LCP2: variants seen among roughly 807,000 people sequenced by gnomAD.
The protein encoded by LCP2 is lymphocyte cytosolic protein 2, also known as 76 kDa tyrosine phosphoprotein.
In LCP2, 29 loss-of-function variants were observed where a neutral mutation model predicts 74.5. That is an observed-to-expected ratio of 0.39 (90% CI 0.29 to 0.53). The LOEUF (loss-of-function observed/expected upper bound fraction) is 0.53, where lower values mean the gene tolerates loss of function less well. LCP2 is among the 20% of genes least tolerant of loss of function. The pLI is 0.72. For missense variants in LCP2, 604 were observed against 634.6 expected (o/e 0.95, Z 0.52); for synonymous variants, 228 against 229.5 (o/e 0.99, Z 0.06).
intron 3 of LCP2, among the ~76,000 whole-genome samples, chr5:170,277,910 C>T (rs1422120558): frequency 6.6e-6 from 1 of 151,910 alleles, no homozygotes. Context: ...CAACTCCAGG[C>T]TTTTGTGACT....
Position 170,287,990 on chromosome 5 carries a change from C to A in LCP2, c.168G>T (p.Lys56Asn). The A allele has an allele frequency of 6.2e-6, 10 of 1,613,942 alleles. No homozygotes were observed. The highest frequency in any genetic ancestry group is 7.6e-6 in the Non-Finnish European group (9 of 1,179,886). ...FLNLTENDIQ[K>N]FPKLRVPILS... ...CTTACGGCACCCGGAGCTTGGGGAA[C>A]TTCTGGATGTCATTTTCTGTCAGGT... is the stretch of plus-strand genomic sequence containing the variant. Residue 56 changes from lysine to asparagine, a missense_variant, in exon 3 of 21, where the codon AAG (lysine) becomes AAT (asparagine). By Grantham distance (94) the Lys-to-Asn change is moderately conservative. Coordinates refer to ENST00000046794, the MANE Select transcript of LCP2 (RefSeq NM_005565.5).
chr5:170,261,502 A>G (rs2113165044), intron 13 of LCP2, among the ~76,000 whole-genome samples: 1 of 151,836 alleles, frequency 6.6e-6, no homozygotes. Context: ...TTAGTCAGCA[A>G]ACTAACTCTT....
intron 19 of LCP2, 74 bp downstream of exon 19, chr5:170,252,360 T>C: frequency 2.5e-6 from 2 of 800,790 alleles, no homozygotes; most frequent in Non-Finnish European, 4.1e-6. Context: ...CTGTAATTGG[T>C]ACTCAGGACA....
At chr5:170,262,916 G>A in intron 11 of LCP2, 51 bp downstream of exon 11, 2 of 1,614,010 alleles carry the variant, frequency 1.2e-6, no homozygotes, top group Non-Finnish European at 1.7e-6. Flanking sequence ...AAAGAATAAG[G>A]ACAAGATGTG....
At chr5:170,289,693 CTTTCTTTCCT>C (rs1169902415) in intron 2 of LCP2, among the ~76,000 whole-genome samples, 18 of 134,670 alleles carry the variant, frequency 1.3e-4, no homozygotes, top group African/African-American at 3.2e-4. Context: ...CTCTTTCTTT[CTTTCTTTCCT>C]TCTTTCTTTC....
At chr5:170,261,407 G>GTGTGTATATATATATA (rs150577805) in intron 13 of LCP2, among the ~76,000 whole-genome samples, 3 of 146,232 alleles carry the variant, frequency 2.1e-5, no homozygotes, top group Middle Eastern at 3.3e-3. Context: ...GTGTGTGTGT[G>GTGTGTATATATATATA]TATATATATA....
At chr5:170,263,096 T>C (rs1360899057) in intron 10 of LCP2, 104 bp from the exon 11 acceptor site, 1 of 1,342,318 alleles carries the variant, frequency 7.4e-7, no homozygotes, top group African/African-American at 1.5e-5. Context: ...CTCTTGGGGG[T>C]TGATGGGGTT....
At chr5:170,284,992 C>A (rs315718) in intron 3 of LCP2, among the ~76,000 whole-genome samples, 53,393 of 152,008 alleles carry the variant, frequency 0.35, 9,645 homozygotes, top group Non-Finnish European at 0.39. Context: ...CTCAGGTGAT[C>A]CACCCACCTC....
At chr5:170,296,777 C>A (rs1762394514) in intron 1 of LCP2, among the ~76,000 whole-genome samples, 1 of 152,224 alleles carries the variant, frequency 6.6e-6, no homozygotes, top group Non-Finnish European at 1.5e-5. Context: ...GACAGCAACG[C>A]TCTGGTCCCA....
rs1554141414 is a variant in LCP2, at chr5:170,289,671, T to TTCTTTCTTTC, written c.142-1656_142-1655insGAAAGAAAGA. Reference sequence around the variant, plus strand: ...TTTCTTTCTTTCTTTCTTTCTTTCTTTCTCTCTCTCTCTCTTTCTTTCTTT... The same window carrying TTCTTTCTTTC: ...TTTCTTTCTTTCTTTCTTTCTTTCTTTCTTTCTTTCTCTCTCTCTCTCTCTTTCTTTCTTT... On this transcript the variant is annotated intron_variant, in intron 2 of 20. Transcript: ENST00000046794. 8.1e-3 allele frequency among the ~76,000 whole-genome samples: 681 copies of TTCTTTCTTTC among 84,020 alleles called. 3 individuals carry two copies. Among genetic ancestry groups the TTCTTTCTTTC allele is most frequent in the Middle Eastern group, 0.041 (6 of 146 alleles). 55.1% of individuals were successfully genotyped at this position (84,020 alleles called of 152,430 possible).
In LCP2 at chr5:170,256,105, A is replaced by G. The variant is rs1457406136; in HGVS notation, c.1150+421T>C. Among the ~76,000 whole-genome samples the G allele has an allele frequency of 6.6e-6, 1 of 152,184 alleles. No homozygotes were observed. The highest frequency in any genetic ancestry group is 1.5e-5 in the Non-Finnish European group (1 of 68,024). ...ACCGGAGCTGGAGGAATAGTTCTGC[A>G]CAGGAAGATTGGGGATGAGGGCTGG... On this transcript the variant is annotated intron_variant, in intron 17 of 20. Transcript: ENST00000046794. This position sits in a 1 kb window ranked among gnomAD's most constrained non-coding sequence, Gnocchi z 4.5.
intron 19 of LCP2, chr5:170,252,127 A>C (rs1761458031): frequency 9.1e-6 from 2 of 220,650 alleles, no homozygotes; most frequent in Non-Finnish European, 1.8e-5. Context: ...TTTGAAAGAG[A>C]GTCTCCTTCT....
At chr5:170,291,781 CA>C (rs1347696611) in intron 2 of LCP2, among the ~76,000 whole-genome samples, 1 of 152,220 alleles carries the variant, frequency 6.6e-6, no homozygotes, top group East Asian at 1.9e-4. Context: ...GCACCATCCT[CA>C]AAGATGTCTT....
chr5:170,248,845 A>T, intron 20 of LCP2, 26 bp from the exon 21 acceptor site: 1 of 1,609,266 alleles, frequency 6.2e-7, no homozygotes, highest in Non-Finnish European at 8.5e-7. Context: ...TAGGGAGATG[A>T]GTCAACATTG....
chr5:170,255,994 C>T (rs528574255), intron 17 of LCP2, among the ~76,000 whole-genome samples: 1 of 152,308 alleles, frequency 6.6e-6, no homozygotes, highest in Admixed American at 6.5e-5. Flanking sequence ...GAACATGCTC[C>T]CCAACTCACA....
intron 10 of LCP2, among the ~76,000 whole-genome samples, chr5:170,264,093 T>C (rs561468048): frequency 6.6e-6 from 1 of 152,310 alleles, no homozygotes; most frequent in African/African-American, 2.4e-5. Context: ...AACTCGAAGA[T>C]TAATTTTGCC....
In LCP2 at chr5:170,275,190, G is replaced by A. The variant is rs1761986562; in HGVS notation, c.286+130C>T. On this transcript the variant is annotated intron_variant, in intron 5 of 20. Coordinates refer to ENST00000046794, the MANE Select transcript of LCP2 (RefSeq NM_005565.5). ...TAGACCCAAACCCTTTTCTGGGTAA[G>A]AACTGGCTGACAGACAAGTCAGTAA... is the stretch of plus-strand genomic sequence containing the variant. 5 of 975,054 alleles carry A rather than the reference G, an allele frequency of 5.1e-6. No homozygotes were observed. The South Asian group carries it at 7.1e-5, about 14-fold the overall frequency. 60.4% of individuals were successfully genotyped at this position (975,054 alleles called of 1,614,324 possible).
intron 1 of LCP2, among the ~76,000 whole-genome samples, chr5:170,295,774 C>G (rs1047500508): frequency 6.6e-6 from 1 of 152,190 alleles, no homozygotes; most frequent in Non-Finnish European, 1.5e-5. Flanking sequence ...ACTAGAACTT[C>G]CAGGATCACA....
intron 20 of LCP2, among the ~76,000 whole-genome samples, chr5:170,250,030 ACAGAAGTATGTGAAG>A (rs1331735288): frequency 6.6e-6 from 1 of 152,216 alleles, no homozygotes; most frequent in Non-Finnish European, 1.5e-5. Context: ...CATTATCATA[ACAGAAGTATGTGAAG>A]CAGAAGTTAT....
Sources: gnomAD v4.1 joint callset for allele counts (sites outside exome capture counted in the v4.1 genomes callset) on GRCh38, gnomAD v4.1.1 for gene constraint, Gnocchi (gnomAD v3.1) non-coding constraint, MANE v1.5 for transcripts, NCBI Gene and HGNC (gene_info 2026-07-23, HGNC 2026-07-21) for gene names.